Variants in ITGB1BP2 observed in about 807,000 individuals in gnomAD.
ITGB1BP2 encodes the protein integrin beta-1-binding protein 2.
In ITGB1BP2, 27 loss-of-function variants were observed where a neutral mutation model predicts 32.2. That is an observed-to-expected ratio of 0.84 (90% confidence interval 0.62 to 1.16). The LOEUF (loss-of-function observed/expected upper bound fraction) is 1.16. ITGB1BP2 is among the 50% of genes most tolerant of loss of function. The pLI, the probability that ITGB1BP2 is intolerant of heterozygous loss-of-function variation, is 0.00. For synonymous variants in ITGB1BP2, 105 were observed against 94.7 expected, an observed-to-expected ratio of 1.11 and a Z score of -0.63; for missense variants, 250 against 267.3, an observed-to-expected ratio of 0.94 and a Z score of 0.45.
chrX:71,303,717 G>A lies in ITGB1BP2; in HGVS notation c.539+20G>A. 1 of 1,198,558 alleles carries A rather than the reference G, an allele frequency of 8.3e-7. No homozygotes were observed. Among genetic ancestry groups the A allele is most frequent in the Non-Finnish European group, 1.1e-6 (1 of 883,823 alleles). On this transcript the variant is annotated intron_variant, in intron 7 of 10. Transcript: ENST00000373829. ...TGAGGGGTGAGGGAGGGGACTGGGT[G>A]GGCTATGAGGCTATGAGACAGGTTT...
chrX:71,302,628 AGGACT>A (rs1186699183), intron 4 of ITGB1BP2, 72 bp downstream of exon 4: 2 of 1,055,758 alleles, frequency 1.9e-6, no homozygotes, highest in Non-Finnish European at 2.5e-6. Context: ...TGGGTCATTG[AGGACT>A]GGGAACTAGG....
intron 1 of ITGB1BP2, 66 bp downstream of exon 1, chrX:71,301,936 G>A: frequency 9.9e-7 from 1 of 1,014,419 alleles, no homozygotes; most frequent in Non-Finnish European, 1.4e-6. Flanking sequence ...CAGCTGGGGG[G>A]CAGTGTGTTT....
In ITGB1BP2 at chrX:71,304,577, G is replaced by A; in HGVS notation, c.789G>A (p.Val263=). 8.3e-7 allele frequency: 1 copy of A among 1,208,368 alleles called. No individual in the cohort carries two copies. Among genetic ancestry groups the A allele is most frequent in the Non-Finnish European group, 1.1e-6 (1 of 893,738 alleles). The change falls in exon 10 of 11, where the codon GTG becomes GTA. Residue 263 remains valine, a synonymous_variant. Transcript: ENST00000373829. ...HVHIVFDGNR[V]FQAQMKLWGV... ...ACATTGTCTTTGATGGTAACCGTGT[G>A]TTCCAAGCACAGATGAAGCTCTGGG...
chrX:71,304,001 G>C, intron 8 of ITGB1BP2, 90 bp downstream of exon 8: 2 of 818,179 alleles, frequency 2.4e-6, no homozygotes, highest in Non-Finnish European at 3.5e-6. Flanking sequence ...CAAGCTCCCT[G>C]TCTTCTCCCT....
rs770774463 is a variant in ITGB1BP2, at chrX:71,305,129, C to T, written c.981C>T (p.Asp327=). ...TAGAGATGGATGAGGAAGAATCTGACGATTCAGATGATGATCTGAGCTGGA... is the reference window on the plus strand; with the variant it reads ...TAGAGATGGATGAGGAAGAATCTGATGATTCAGATGATGATCTGAGCTGGA... ...VVLEMDEEES[D]DSDDDLSWTE... Residue 327 remains aspartate, a synonymous_variant, in exon 11 of 11, where the codon GAC becomes GAT. Transcript: ENST00000373829. 119 of 1,208,023 alleles carry T rather than the reference C, an allele frequency of 9.9e-5. 1 individual carries two copies. In the South Asian group the frequency reaches 1.0e-3, roughly 10 times the overall value.
In ITGB1BP2 at chrX:71,303,859, C is replaced by T. The variant is rs1458742631; in HGVS notation, c.587C>T (p.Ala196Val). The change falls in exon 8 of 11, where the codon GCA (alanine) becomes GTA (valine). Residue 196 changes from alanine to valine, a missense_variant. Coordinates refer to ENST00000373829, the MANE Select transcript of ITGB1BP2 (RefSeq NM_012278.4). Reference protein sequence around the residue: ...CCGIQTLDFGAFLAQPGCRVG... With the variant: ...CCGIQTLDFGVFLAQPGCRVG... ...GGCATCCAGACCCTGGATTTTGGGG[C>T]ATTCTTGGCACAACCAGGGTGCAGA... The T allele has an allele frequency of 5.8e-6, 7 of 1,209,487 alleles. No individual in the cohort carries two copies. The highest frequency in any genetic ancestry group is 6.7e-6 in the Non-Finnish European group (6 of 894,437).
chrX:71,302,895 T>G (rs2031638966), intron 4 of ITGB1BP2, among the ~76,000 whole-genome samples: 1 of 111,821 alleles, frequency 8.9e-6, no homozygotes, highest in Non-Finnish European at 1.9e-5. Context: ...AAGAAAAGGA[T>G]GTATTGTATT....
rs1045173380 is a variant in ITGB1BP2 at position 71,302,154 on chromosome X, C to T, written c.82C>T (p.Pro28Ser). 5.8e-6 allele frequency: 7 copies of T among 1,210,684 alleles called. No individual in the cohort carries two copies. Among genetic ancestry groups the T allele is most frequent in the Non-Finnish European group, 6.7e-6 (6 of 895,174 alleles). Residue 28 changes from proline to serine, a missense_variant, in exon 2 of 11, where the codon CCT (proline) becomes TCT (serine). Transcript: ENST00000373829. ...GTCCACAGATTCCTGTTGCCATCAC[C>T]CTGGGGTCCCAATCTTCCATGATGC... ...TNLPDSCCHHPGVPIFHDALK... is the reference protein window; with the variant it reads ...TNLPDSCCHHSGVPIFHDALK...
chrX:71,303,371 A>G lies in ITGB1BP2; in HGVS notation c.412+15A>G, dbSNP rs980793337. ...ACCTGGGGCAGGTAGGTGGGTCTTT[A>G]GTAGGATCAACTTCATAGACTGGAA... On this transcript the variant is annotated intron_variant, in intron 5 of 10. Transcript: ENST00000373829. The G allele has an allele frequency of 2.8e-5, 34 of 1,206,535 alleles. No homozygotes were observed. The highest frequency in any genetic ancestry group is 3.7e-5 in the Non-Finnish European group (33 of 892,367).
intron 4 of ITGB1BP2, among the ~76,000 whole-genome samples, chrX:71,302,981 TTAGA>T (rs2031640304): frequency 9.0e-6 from 1 of 111,611 alleles, no homozygotes; most frequent in African/African-American, 3.3e-5. Flanking sequence ...AGGTCCACGA[TTAGA>T]TAAAGAGGAA....
At position 71,302,421 on chromosome X, in the gene ITGB1BP2, T is replaced by A; in HGVS notation, c.182T>A (p.Met61Lys). ...CCTTATCTATACTAGGGCTGTACTA[T>A]GGGACCACACTGTGCTGAGAAGCTT... ...SEFLNIKGCT[M>K]GPHCAEKLPE... Residue 61 changes from methionine (M) to lysine (K), a missense_variant, in exon 4 of 11, where the codon ATG becomes AAG. Physicochemically the swap from Met to Lys is moderately conservative, Grantham distance 95 (BLOSUM62 -1). Transcript: ENST00000373829. 35 of 1,211,629 alleles carry A rather than the reference T, an allele frequency of 2.9e-5. No homozygotes were observed. Among genetic ancestry groups the A allele is most frequent in the Non-Finnish European group, 3.8e-5 (34 of 895,389 alleles).
intron 5 of ITGB1BP2, 24 bp from the exon 6 acceptor site, chrX:71,303,437 C>T (rs1034516199): frequency 6.6e-6 from 8 of 1,211,083 alleles, no homozygotes; most frequent in Non-Finnish European, 8.9e-6. Context: ...TGGATAAGTT[C>T]CTGACTCTGT....
At chrX:71,303,573 T>C in intron 6 of ITGB1BP2, 54 bp from the exon 7 acceptor site, 1 of 1,201,316 alleles carries the variant, frequency 8.3e-7, no homozygotes, top group South Asian at 1.8e-5. Context: ...TGGGTATAGA[T>C]AGGCTGAGTA....
In ITGB1BP2 at chrX:71,304,972, A is replaced by G. The variant is rs746833194; in HGVS notation, c.824A>G (p.Asn275Ser). 1.3e-4 allele frequency: 157 copies of G among 1,205,501 alleles called. No individual in the cohort carries two copies. Among genetic ancestry groups the G allele is most frequent in the Non-Finnish European group, 1.7e-4 (153 of 891,680 alleles). ...QAQMKLWGVI[N>S]VEQSSVFLMP... ...TCCTTTGCTCCTCCTCAGGTCATAA[A>G]CGTGGAGCAGAGCTCTGTCTTCTTG... is the stretch of plus-strand genomic sequence containing the variant. Residue 275 changes from asparagine to serine, a missense_variant, in exon 11 of 11, where the codon AAC becomes AGC. Asn to Ser is a conservative substitution (Grantham distance 46, BLOSUM62 1). Transcript: ENST00000373829.
At chrX:71,304,932 C>T in intron 10 of ITGB1BP2, 33 bp from the exon 11 acceptor site, 6 of 1,126,999 alleles carry the variant, frequency 5.3e-6, no homozygotes, top group Non-Finnish European at 7.3e-6. Flanking sequence ...TCCTCATTCT[C>T]TCTTTCTTCT....
At chrX:71,301,947 G>C in intron 1 of ITGB1BP2, 77 bp downstream of exon 1, 1 of 959,068 alleles carries the variant, frequency 1.0e-6, no homozygotes, top group Non-Finnish European at 1.5e-6. Flanking sequence ...CAGTGTGTTT[G>C]AGGAGCGGGG....
At chrX:71,302,771 T>C (rs924444198) in intron 4 of ITGB1BP2, among the ~76,000 whole-genome samples, 1 of 111,612 alleles carries the variant, frequency 9.0e-6, no homozygotes, top group African/African-American at 3.3e-5. Flanking sequence ...GATAGATACC[T>C]GAATCAACAG....
chrX:71,304,470 C>G, intron 9 of ITGB1BP2, 72 bp from the exon 10 acceptor site: 7 of 1,050,240 alleles, frequency 6.7e-6, no homozygotes, highest in Non-Finnish European at 9.2e-6. Context: ...TACCTCTGAC[C>G]TGGTTATCTG....
rs751056861 is a variant in ITGB1BP2 at position 71,305,230 on chromosome X, G to T, written c.*38G>T. ...GTTGATGTCTAGATAGGACCTCAAT[G>T]ATTCCCTTAGAATCTTAGATACCAG... On this transcript the variant is annotated 3_prime_UTR_variant, in exon 11 of 11. Transcript: ENST00000373829. 15 of 1,067,372 alleles carry T rather than the reference G, an allele frequency of 1.4e-5. No individual in the cohort carries two copies. The highest frequency in any genetic ancestry group is 1.8e-5 in the African/African-American group (1 of 54,682). The allele number at this position is 1,067,372 out of a possible 1,213,427, so 88.0% of individuals were successfully genotyped here.
Sources: allele counts gnomAD v4.1 joint callset (sites outside exome capture counted in the v4.1 genomes callset), GRCh38; gene constraint gnomAD v4.1.1; transcripts MANE v1.5; gene names NCBI Gene and HGNC (gene_info 2026-07-23, HGNC 2026-07-21).